Variants in SVEP1 observed in about 807,000 individuals in gnomAD.
SVEP1 encodes the protein sushi, von Willebrand factor type A, EGF and pentraxin domain-containing protein 1.
SVEP1 carries 164 observed loss-of-function variants against 367.3 expected under a neutral mutation model. That is an observed-to-expected ratio of 0.45 (90% confidence interval 0.39 to 0.51). The LOEUF is 0.51. SVEP1 is among the 20% of genes least tolerant of loss of function. The pLI is 0.00. For missense variants in SVEP1, 4,117 were observed against 4,425.3 expected (o/e 0.93, Z 1.98); for synonymous variants, 1,666 against 1,611.6 (o/e 1.03, Z -0.81).
At chr9:110,476,337 G>A in intron 13 of SVEP1, 22 bp from the exon 14 acceptor site, 3 of 1,562,918 alleles carry the variant, frequency 1.9e-6, no homozygotes, top group East Asian at 2.2e-5. Flanking sequence ...AAATGAAGAG[G>A]ATAAAGTGTA....
chr9:110,516,750 C>A (rs1829809407), intron 3 of SVEP1, among the ~76,000 whole-genome samples: 2 of 152,014 alleles, frequency 1.3e-5, no homozygotes, highest in Admixed American at 1.3e-4. Context: ...CCATATAACT[C>A]CAGAACAAGA....
intron 39 of SVEP1, among the ~76,000 whole-genome samples, chr9:110,403,739 T>A (rs1827907034): frequency 6.6e-6 from 1 of 152,164 alleles, no homozygotes; most frequent in South Asian, 2.1e-4. Context: ...AGCCATGGGT[T>A]ATGCCCAATA....
At chr9:110,394,229 T>C (rs922429616) in intron 40 of SVEP1, among the ~76,000 whole-genome samples, 16 of 152,226 alleles carry the variant, frequency 1.1e-4, no homozygotes, top group African/African-American at 3.9e-4. Flanking sequence ...CCTCTGCTGC[T>C]GATACCCAGG....
chr9:110,574,936 G>A (rs896594965), intron 1 of SVEP1, among the ~76,000 whole-genome samples: 3 of 151,694 alleles, frequency 2.0e-5, no homozygotes, highest in Non-Finnish European at 4.4e-5. Flanking sequence ...TAGTAGAGAC[G>A]GAGTTTCACC....
chr9:110,466,844 C>T (rs923545209), intron 17 of SVEP1, among the ~76,000 whole-genome samples: 1 of 151,600 alleles, frequency 6.6e-6, no homozygotes, highest in Non-Finnish European at 1.5e-5. Context: ...CCATTTCATC[C>T]AAGGACCAGT....
At chr9:110,387,492 C>G in intron 41 of SVEP1, 34 bp from the exon 42 acceptor site, 1 of 1,547,898 alleles carries the variant, frequency 6.5e-7, no homozygotes, top group Non-Finnish European at 8.7e-7. Flanking sequence ...ATATTAATTG[C>G]TTCCCCAATT....
At chr9:110,519,011 A>C (rs1008885523) in intron 3 of SVEP1, among the ~76,000 whole-genome samples, 11 of 152,202 alleles carry the variant, frequency 7.2e-5, no homozygotes, top group African/African-American at 2.7e-4. Context: ...CCAGCATATC[A>C]TAAGCTGGTT....
chr9:110,455,882 T>C (rs57952897), intron 21 of SVEP1, among the ~76,000 whole-genome samples, 179 bp from the exon 22 acceptor site: 1,643 of 152,314 alleles, frequency 0.011, 30 homozygotes, highest in African/African-American at 0.037. Flanking sequence ...TACCTCTTTC[T>C]AAACAAATTT....
At chr9:110,493,234 A>G (rs923891387) in intron 8 of SVEP1, among the ~76,000 whole-genome samples, 9 of 152,046 alleles carry the variant, frequency 5.9e-5, no homozygotes, top group Non-Finnish European at 1.2e-4. Context: ...GTGCTTCTAC[A>G]GGGCCTCCTG....
rs71371665 is a variant in SVEP1 at position 110,403,296 on chromosome 9, GTT to G, written c.9666+1029_9666+1030del. ...TGATGATTCCTTCCCCGCCACCGCC[GTT>G]TTTTTTTTTTTTTTTTTTTTTTTTT... On this transcript the variant is annotated intron_variant, in intron 39 of 47. Coordinates refer to ENST00000374469, the MANE Select transcript of SVEP1 (RefSeq NM_153366.4). 1.2e-4 allele frequency among the ~76,000 whole-genome samples: 5 copies of G among 43,458 alleles called. No homozygotes were observed. The Admixed American group carries it at 1.6e-3, about 14-fold the overall frequency. The allele number at this position is 43,458 out of a possible 152,430, so 28.5% of individuals were successfully genotyped here.
intron 36 of SVEP1, among the ~76,000 whole-genome samples, chr9:110,412,510 A>G (rs915977459): frequency 1.6e-4 from 24 of 152,096 alleles, no homozygotes. Flanking sequence ...TAAAACACCA[A>G]AAGCAATGGC....
Position 110,436,455 on chromosome 9 carries a change from T to C in SVEP1, c.4689A>G (p.Gly1563=). 1 of 1,613,930 alleles carries C rather than the reference T, an allele frequency of 6.2e-7. No individual in the cohort carries two copies. Among genetic ancestry groups the C allele is most frequent in the Non-Finnish European group, 8.5e-7 (1 of 1,179,866 alleles). Reference sequence around the variant, plus strand: ...CCACAAAAGACTCAGCTGGGCTGAATCCCTCTCCTTTTTTGTCTTGCTCTT... The same window carrying C: ...CCACAAAAGACTCAGCTGGGCTGAACCCCTCTCCTTTTTTGTCTTGCTCTT... ...LGQEQDKKGE[G]FSPAESFVGS... Residue 1563 remains glycine, a synonymous_variant, in exon 28 of 48, where the codon GGA becomes GGG. Transcript: ENST00000374469.
Position 110,365,552 on chromosome 9 carries a change from G to GA in SVEP1, c.*986_*987insT, listed in dbSNP as rs1827186070. ...GTTTGACTTTATTTTCTGAAGTCTG[G>GA]GGAAGGCTTCATCTTGGTACAATTG... On this transcript the variant is annotated 3_prime_UTR_variant, in exon 48 of 48. Coordinates refer to ENST00000374469, the MANE Select transcript of SVEP1 (RefSeq NM_153366.4). 1 of 152,126 alleles carries GA rather than the reference G, an allele frequency of 6.6e-6. No individual in the cohort carries two copies. The highest frequency in any genetic ancestry group is 1.5e-5 in the Non-Finnish European group (1 of 68,022). 9.4% of individuals were successfully genotyped at this position (152,126 alleles called of 1,614,324 possible).
At position 110,393,502 on chromosome 9, in the gene SVEP1, T is replaced by G. The variant is rs556330419; in HGVS notation, c.9823-3915A>C. 2.7e-3 allele frequency among the ~76,000 whole-genome samples: 411 copies of G among 152,280 alleles called. 3 individuals carry two copies. Among genetic ancestry groups the G allele is most frequent in the African/African-American group, 9.6e-3 (399 of 41,560 alleles). ...AACTGAGGTACCGGGTTCATCTCAC[T>G]GGGGAGTGCCAGACAGTGGGTGCAG... On this transcript the variant is annotated intron_variant, in intron 40 of 47. Coordinates refer to ENST00000374469, the MANE Select transcript of SVEP1 (RefSeq NM_153366.4).
intron 1 of SVEP1, among the ~76,000 whole-genome samples, chr9:110,559,681 T>C (rs1422797681): frequency 6.6e-6 from 1 of 152,098 alleles, no homozygotes; most frequent in Non-Finnish European, 1.5e-5. Context: ...TCACATGATT[T>C]GAACTGAAAT....
chr9:110,547,243 C>A (rs1241545815), intron 2 of SVEP1, among the ~76,000 whole-genome samples: 1 of 152,124 alleles, frequency 6.6e-6, no homozygotes, highest in African/African-American at 2.4e-5. Flanking sequence ...AAGCTCCTTC[C>A]AATAGACTGT....
intron 9 of SVEP1, among the ~76,000 whole-genome samples, chr9:110,488,317 G>T (rs146804898): frequency 6.6e-6 from 1 of 152,092 alleles, no homozygotes; most frequent in Admixed American, 6.6e-5. Context: ...AAAGAGATTC[G>T]AACTGGAAAT....
chr9:110,520,634 A>T, intron 3 of SVEP1, among the ~76,000 whole-genome samples: 1 of 152,228 alleles, frequency 6.6e-6, no homozygotes, highest in East Asian at 1.9e-4. Context: ...AACACAAAGA[A>T]ATCTCTACTC....
At chr9:110,475,713 A>G in intron 14 of SVEP1, among the ~76,000 whole-genome samples, 1 of 152,020 alleles carries the variant, frequency 6.6e-6, no homozygotes, top group East Asian at 1.9e-4. Context: ...AAATAATCTT[A>G]ATAAAAATGT....
Sources: gnomAD v4.1 joint callset for allele counts (sites outside exome capture counted in the v4.1 genomes callset) on GRCh38, gnomAD v4.1.1 for gene constraint, MANE v1.5 for transcripts, NCBI Gene and HGNC (gene_info 2026-07-23, HGNC 2026-07-21) for gene names.